CHM: variants seen among roughly 807,000 people sequenced by gnomAD.
CHM encodes the protein CHM Rab escort protein.
In CHM, 10 loss-of-function variants were observed where a neutral mutation model predicts 49.0. That is an observed-to-expected ratio of 0.20 (90% CI 0.13 to 0.35). The LOEUF is 0.35. Ranked by LOEUF, CHM falls within the 10% of genes least tolerant of loss-of-function variation. The pLI, the probability that CHM is intolerant of heterozygous loss-of-function variation, is 1.00. For synonymous variants in CHM, 184 were observed against 167.5 expected, an observed-to-expected ratio of 1.10 and a Z score of -0.76; for missense variants, 455 against 478.4, an observed-to-expected ratio of 0.95 and a Z score of 0.46.
At chrX:85,962,642 C>G (rs1351086470) in intron 5 of CHM, among the ~76,000 whole-genome samples, 1 of 111,665 alleles carries the variant, frequency 9.0e-6, no homozygotes, top group Non-Finnish European at 1.9e-5. Flanking sequence ...GTGCTATTCA[C>G]TATCCTCTCC....
chrX:85,989,131 G>C (rs1275685026), intron 2 of CHM, among the ~76,000 whole-genome samples: 1 of 111,768 alleles, frequency 8.9e-6, no homozygotes, highest in Non-Finnish European at 1.9e-5. Context: ...AAACAGTATG[G>C]TACTGGTACA....
At chrX:86,001,044 A>T (rs749349013) in intron 2 of CHM, among the ~76,000 whole-genome samples, 1 of 112,399 alleles carries the variant, frequency 8.9e-6, no homozygotes, top group South Asian at 3.7e-4. Flanking sequence ...TTTCCCAATT[A>T]GCTTGACTTG....
intron 2 of CHM, among the ~76,000 whole-genome samples, chrX:86,010,237 G>A (rs191945859): frequency 0.24 from 23,325 of 95,489 alleles, 3,287 homozygotes; most frequent in Admixed American, 0.36. Flanking sequence ...ATAGTGTTAG[G>A]AGAAATACCT....
At chrX:85,889,783 G>A (rs1925323940) in intron 12 of CHM, among the ~76,000 whole-genome samples, 1 of 111,819 alleles carries the variant, frequency 8.9e-6, no homozygotes, top group South Asian at 3.7e-4. Context: ...ACTCATGATA[G>A]CAAAGACATG....
At chrX:85,911,131 A>ATGTGTG (rs1171081818) in intron 9 of CHM, 130 bp downstream of exon 9, 2 of 5,332 alleles carry the variant, frequency 3.8e-4, no homozygotes, top group Non-Finnish European at 1.1e-3. Context: ...GTGTATATGT[A>ATGTGTG]TATATATATA....
chrX:85,927,961 T>C (rs774710303), intron 8 of CHM, among the ~76,000 whole-genome samples: 1 of 112,706 alleles, frequency 8.9e-6, no homozygotes, highest in African/African-American at 3.2e-5. Context: ...TATGAGTTTG[T>C]ATATAATTTG....
intron 2 of CHM, among the ~76,000 whole-genome samples, chrX:85,992,093 A>C (rs1396685411): frequency 8.9e-6 from 1 of 111,953 alleles, no homozygotes; most frequent in Non-Finnish European, 1.9e-5. Flanking sequence ...TTACAAGATT[A>C]GAATATTTAA....
intron 9 of CHM, among the ~76,000 whole-genome samples, chrX:85,910,366 C>T (rs1226265359): frequency 9.0e-6 from 1 of 110,757 alleles, no homozygotes; most frequent in Admixed American, 9.6e-5. Context: ...CTATATACTC[C>T]TAAAAACAAT....
rs192477442 is a variant in CHM, at chrX:85,895,865, G to A, written c.1414-1581C>T. 2.7e-5 allele frequency among the ~76,000 whole-genome samples: 3 copies of A among 109,979 alleles called. No individual in the cohort carries two copies. The East Asian group carries it at 8.6e-4, about 31-fold the overall frequency. ...TAAAAACATGACCATAATTGGAAAA[G>A]TACCTTAATGACTGCAATAACATGT... On this transcript the variant is annotated intron_variant, in intron 11 of 14. Coordinates refer to ENST00000357749, the MANE Select transcript of CHM (RefSeq NM_000390.4).
chrX:86,046,649 C>A (rs1049914123), intron 1 of CHM, among the ~76,000 whole-genome samples: 3 of 111,300 alleles, frequency 2.7e-5, no homozygotes, highest in African/African-American at 9.8e-5. Flanking sequence ...AATGATCATC[C>A]CTTACACTAT....
rs748587088 is a variant in CHM at position 85,873,124 on chromosome X, A to G, written c.1698T>C (p.Asn566=). The G allele has an allele frequency of 3.3e-6, 4 of 1,204,953 alleles. No homozygotes were observed. The African/African-American group carries it at 5.2e-5, about 16-fold the overall frequency. The part of the protein sequence containing the change: ...DSSDISRSCY[N]DLPSNVYVCS... ...AGACATAAACGTTGGATGGTAAATC[A>G]TTATAACAGCTCCTGCTGATGTCTG... The change falls in exon 14 of 15, where the codon AAT becomes AAC. Residue 566 remains asparagine, a synonymous_variant. Transcript: ENST00000357749.
intron 12 of CHM, among the ~76,000 whole-genome samples, chrX:85,880,312 T>C (rs1447498530): frequency 2.7e-5 from 3 of 111,472 alleles, no homozygotes; most frequent in African/African-American, 9.8e-5. Context: ...ATAACAAAAA[T>C]TATTTTGGTT....
chrX:86,013,053 T>C (rs756951900), intron 2 of CHM, among the ~76,000 whole-genome samples: 8 of 111,624 alleles, frequency 7.2e-5, no homozygotes, highest in African/African-American at 2.6e-4. Context: ...TTAGCCTTTC[T>C]TTGCATACTC....
chrX:86,000,012 T>C (rs775983242), intron 2 of CHM, among the ~76,000 whole-genome samples: 9 of 111,415 alleles, frequency 8.1e-5, no homozygotes, highest in South Asian at 3.7e-4. Context: ...ATGCAAACAA[T>C]AGCAAAAGAT....
At chrX:85,932,895 AGCTCT>A (rs1257984968) in intron 8 of CHM, among the ~76,000 whole-genome samples, 1 of 112,215 alleles carries the variant, frequency 8.9e-6, no homozygotes, top group Non-Finnish European at 1.9e-5. Context: ...TGACAGTAGC[AGCTCT>A]GCTCTTGGTA....
At chrX:85,881,345 GA>G (rs1398471080) in intron 12 of CHM, among the ~76,000 whole-genome samples, 1 of 112,158 alleles carries the variant, frequency 8.9e-6, no homozygotes, top group East Asian at 2.8e-4. Context: ...AACACATTAA[GA>G]TATATCTATA....
intron 8 of CHM, among the ~76,000 whole-genome samples, chrX:85,941,140 T>A (rs1433347899): frequency 8.9e-6 from 1 of 111,840 alleles, no homozygotes; most frequent in East Asian, 2.8e-4. Context: ...ATGAAAAAAA[T>A]TACATTTACA....
Position 85,873,142 on chromosome X carries a change from G to A in CHM, c.1680C>T (p.Ile560=), listed in dbSNP as rs183797277. Residue 560 remains isoleucine, a synonymous_variant, in exon 14 of 15, where the codon ATC becomes ATT. Coordinates refer to ENST00000357749, the MANE Select transcript of CHM (RefSeq NM_000390.4). ...LYFNMRDSSD[I]SRSCYNDLPS... is the part of the protein sequence containing the mutation. ...GTAAATCATTATAACAGCTCCTGCT[G>A]ATGTCTGACGAATCTCTCATATTGA... The A allele has an allele frequency of 8.3e-7, 1 of 1,203,440 alleles. No homozygotes were observed. The highest frequency in any genetic ancestry group is 1.7e-5 in the African/African-American group (1 of 57,179).
chrX:86,036,687 G>C (rs994423878), intron 1 of CHM, among the ~76,000 whole-genome samples: 1 of 111,884 alleles, frequency 8.9e-6, no homozygotes, highest in Non-Finnish European at 1.9e-5. Flanking sequence ...TCTTTTCCTT[G>C]TCTCATAATG....
Sources: gnomAD v4.1 joint callset for allele counts (sites outside exome capture counted in the v4.1 genomes callset) on GRCh38, gnomAD v4.1.1 for gene constraint, MANE v1.5 for transcripts, NCBI Gene and HGNC (gene_info 2026-07-23, HGNC 2026-07-21) for gene names.